Variants in PEAK1 observed in about 807,000 individuals in gnomAD.
The protein encoded by PEAK1 is pseudopodium enriched atypical kinase 1, also known as inactive tyrosine-protein kinase PEAK1.
In PEAK1, 54 loss-of-function variants were observed where a neutral mutation model predicts 124.7. The observed-to-expected ratio is 0.43, with a 90% CI of 0.35 to 0.54. The LOEUF (loss-of-function observed/expected upper bound fraction) is 0.54. Among genes scored for constraint, PEAK1 ranks in the 20% least tolerant of loss-of-function variants. PEAK1 has a pLI of 0.01. For synonymous variants in PEAK1, 719 were observed against 760.0 expected, an observed-to-expected ratio of 0.95 and a Z score of 0.89; for missense variants, 2,046 against 2,134.5, an observed-to-expected ratio of 0.96 and a Z score of 0.82.
intron 9 of PEAK1, among the ~76,000 whole-genome samples, chr15:77,120,573 T>C (rs999455204): frequency 6.6e-6 from 1 of 152,200 alleles, no homozygotes; most frequent in Admixed American, 6.5e-5. Flanking sequence ...AATTATCCTC[T>C]TTTCTCCATC....
intron 2 of PEAK1, chr15:77,347,179 G>GT (rs2066921493): frequency 3.1e-6 from 3 of 963,366 alleles, no homozygotes; most frequent in South Asian, 9.6e-5. Context: ...TGTGAACAAC[G>GT]TTAACAACGG....
chr15:77,359,609 TG>T (rs1318978968), intron 2 of PEAK1, among the ~76,000 whole-genome samples: 1 of 152,180 alleles, frequency 6.6e-6, no homozygotes, highest in Non-Finnish European at 1.5e-5. Context: ...TCAGCAAGGT[TG>T]TGTGATACAA....
At chr15:77,310,884 G>A (rs961960160) in intron 2 of PEAK1, among the ~76,000 whole-genome samples, 5 of 152,108 alleles carry the variant, frequency 3.3e-5, no homozygotes, top group Admixed American at 3.3e-4. Context: ...TATGTTTAAA[G>A]AACTAAACAA....
chr15:77,408,154 TACAC>T (rs55866391), intron 1 of PEAK1, among the ~76,000 whole-genome samples: 3,676 of 144,290 alleles, frequency 0.025, 76 homozygotes, highest in Non-Finnish European at 0.038. Context: ...CATATATACA[TACAC>T]ACACACACAC....
At chr15:77,368,994 C>T (rs932331300) in intron 1 of PEAK1, among the ~76,000 whole-genome samples, 12 of 152,232 alleles carry the variant, frequency 7.9e-5, no homozygotes, top group South Asian at 4.1e-4. Flanking sequence ...CAATATGTTG[C>T]CTTCTCAAGT....
At chr15:77,305,147 AAAGGAAGGAAGGAAGGAGGGAAG>A (rs1182825156) in intron 2 of PEAK1, among the ~76,000 whole-genome samples, 6 of 113,936 alleles carry the variant, frequency 5.3e-5, no homozygotes, top group South Asian at 3.5e-4. Context: ...TGTTTCAAAA[AAAGGAAGGAAGGAAGGAGGGAAG>A]AAGGAAGGAA....
chr15:77,155,320 T>C (rs2055029372), intron 8 of PEAK1: 3 of 152,274 alleles, frequency 2.0e-5, no homozygotes, highest in South Asian at 2.1e-4. Flanking sequence ...TCTCGAGTCT[T>C]AGCTTTCAGC....
At chr15:77,272,034 A>G (rs775529991) in intron 5 of PEAK1, among the ~76,000 whole-genome samples, 39 of 152,216 alleles carry the variant, frequency 2.6e-4, no homozygotes, top group Non-Finnish European at 5.0e-4. Flanking sequence ...CAAAAATGAA[A>G]TCAAGATGGA....
chr15:77,239,917 T>C, intron 6 of PEAK1: 3 of 820,618 alleles, frequency 3.7e-6, no homozygotes, highest in Non-Finnish European at 4.4e-6. Context: ...AACCTAATTA[T>C]ATGTTTCTGT....
intron 6 of PEAK1, among the ~76,000 whole-genome samples, chr15:77,188,135 A>T (rs1359275328): frequency 6.6e-6 from 1 of 152,178 alleles, no homozygotes; most frequent in Non-Finnish European, 1.5e-5. Context: ...CTTTCTTGAG[A>T]TCTGACTGAA....
At chr15:77,166,971 C>T (rs1311229626) in intron 7 of PEAK1, among the ~76,000 whole-genome samples, 1 of 152,154 alleles carries the variant, frequency 6.6e-6, no homozygotes, top group Non-Finnish European at 1.5e-5. Flanking sequence ...TCTCAGCTCC[C>T]ATCTCTAGGG....
chr15:77,353,688 T>TA (rs1477878926), intron 2 of PEAK1, among the ~76,000 whole-genome samples: 2 of 152,080 alleles, frequency 1.3e-5, no homozygotes, highest in African/African-American at 4.8e-5. Context: ...TAATATAAGG[T>TA]AAAAAAAGAG....
At chr15:77,246,617 C>T (rs890236370) in intron 6 of PEAK1, among the ~76,000 whole-genome samples, 3 of 152,138 alleles carry the variant, frequency 2.0e-5, no homozygotes, top group Non-Finnish European at 4.4e-5. Flanking sequence ...TGTAGATTAT[C>T]AGCACAGATG....
At chr15:77,402,666 T>C (rs2071473234) in intron 1 of PEAK1, 3 of 985,328 alleles carry the variant, frequency 3.0e-6, no homozygotes, top group Non-Finnish European at 2.4e-6. Context: ...TCCCATAGTG[T>C]ATCGTTTAGT....
Position 77,180,187 on chromosome 15 carries a change from G to A in PEAK1, c.1740C>T (p.Ser580=). The A allele has an allele frequency of 1.2e-6, 2 of 1,614,142 alleles. No individual in the cohort carries two copies. Among genetic ancestry groups the A allele is most frequent in the Non-Finnish European group, 8.5e-7 (1 of 1,179,994 alleles). Residue 580 remains serine, a synonymous_variant, in exon 7 of 10, where the codon TCC becomes TCT. Transcript: ENST00000682557. Reference sequence around the variant, plus strand: ...TAGGTGACTTAACAGGGATGGTTTTGGAGGAAATGTTTGTAGCTGTGGGTG... The same window carrying A: ...TAGGTGACTTAACAGGGATGGTTTTAGAGGAAATGTTTGTAGCTGTGGGTG... The part of the protein sequence containing the change: ...PTSPTATNIS[S]KTIPVKSPNL...
At chr15:77,376,392 TG>T (rs1012294095) in intron 1 of PEAK1, among the ~76,000 whole-genome samples, 1 of 151,434 alleles carries the variant, frequency 6.6e-6, no homozygotes, top group Non-Finnish European at 1.5e-5. Flanking sequence ...GTTAAGGGGG[TG>T]GGGGGGAAGT....
chr15:77,129,064 G>A (rs1353703062), intron 9 of PEAK1, among the ~76,000 whole-genome samples: 1 of 152,142 alleles, frequency 6.6e-6, no homozygotes, highest in East Asian at 1.9e-4. Context: ...GAGGTCATAA[G>A]CATAGGGCCC....
At chr15:77,417,467 G>GGGGGGGGGT in intron 1 of PEAK1, 2 of 774,320 alleles carry the variant, frequency 2.6e-6, no homozygotes, top group Non-Finnish European at 3.1e-6. Flanking sequence ...GGCGGGGGGG[G>GGGGGGGGGT]AGGGGGGCAA....
chr15:77,231,877 C>T (rs879332255), intron 6 of PEAK1, among the ~76,000 whole-genome samples: 16 of 152,182 alleles, frequency 1.1e-4, no homozygotes, highest in Non-Finnish European at 2.2e-4. Context: ...TCTTCCTACA[C>T]ACTCATACAA....
Sources: allele counts gnomAD v4.1 joint callset (sites outside exome capture counted in the v4.1 genomes callset), GRCh38; gene constraint gnomAD v4.1.1; transcripts MANE v1.5; gene names NCBI Gene and HGNC (gene_info 2026-07-23, HGNC 2026-07-21).